Variants in ESRRG observed in about 807,000 individuals in gnomAD.
ESRRG encodes estrogen-related receptor gamma.
In ESRRG, 13 loss-of-function variants were observed where a neutral mutation model predicts 44.0. The ratio of observed to expected loss-of-function variants is 0.30; its 90% CI spans 0.19 to 0.47. The LOEUF (loss-of-function observed/expected upper bound fraction) is 0.47. Ranked by LOEUF, ESRRG falls within the 20% of genes least tolerant of loss-of-function variation. ESRRG has a pLI of 1.00. For synonymous variants in ESRRG, 215 were observed against 214.6 expected (o/e 1.00, Z -0.02); for missense variants, 395 against 580.6 (o/e 0.68, Z 3.29).
chr1:216,972,441 A>T (rs1273105434), intron 1 of ESRRG, among the ~76,000 whole-genome samples: 2 of 152,160 alleles, frequency 1.3e-5, no homozygotes, highest in Admixed American at 1.3e-4. Flanking sequence ...AAATAACACC[A>T]AGTACACAGT....
chr1:216,633,315 C>G (rs1465721298), intron 3 of ESRRG, among the ~76,000 whole-genome samples: 1 of 152,192 alleles, frequency 6.6e-6, no homozygotes, highest in Non-Finnish European at 1.5e-5. Context: ...GACAGATGCT[C>G]TCAGTGGGCT....
At chr1:216,723,592 A>G (rs778591250), upstream of ESRRG, 17 of 413,236 alleles carry the variant, frequency 4.1e-5, no homozygotes, top group Non-Finnish European at 6.1e-5. Context: ...GAGAGGAGCC[A>G]GGCAGGTAGG....
chr1:216,723,274 G>T lies in ESRRG; in HGVS notation c.26C>A (p.Pro9His), dbSNP rs779481832. The T allele has an allele frequency of 8.1e-6, 13 of 1,613,370 alleles. No homozygotes were observed. The highest frequency in any genetic ancestry group is 1.3e-5 in the African/African-American group (1 of 74,692). The change falls in exon 1 of 7, where the codon CCT (proline) becomes CAT (histidine). Residue 9 changes from proline (P) to histidine (H), a missense_variant. Coordinates refer to ENST00000408911, the MANE Select transcript of ESRRG (RefSeq NM_001438.4). ...CTCGTAGTGCAGGGAAAAAGATTCA[G>T]GAAGGCAAAGTTCTACCGAATCCAT... is the stretch of plus-strand genomic sequence containing the variant. Reference protein sequence around the residue: MDSVELCLPESFSLHYEEE... With the variant: MDSVELCLHESFSLHYEEE...
chr1:216,930,550 G>A (rs764697404), intron 2 of ESRRG, among the ~76,000 whole-genome samples: 2 of 152,116 alleles, frequency 1.3e-5, no homozygotes, highest in African/African-American at 2.4e-5. Flanking sequence ...TCTTTGTCAG[G>A]GTGGATGAGA....
At chr1:217,065,944 T>C (rs926629966) in intron 1 of ESRRG, among the ~76,000 whole-genome samples, 7 of 152,180 alleles carry the variant, frequency 4.6e-5, no homozygotes, top group Admixed American at 3.3e-4. Context: ...TCCTTACATT[T>C]TCTATCAGGA....
intron 5 of ESRRG, among the ~76,000 whole-genome samples, chr1:216,522,431 A>G (rs1028529794): frequency 2.3e-5 from 3 of 133,162 alleles, no homozygotes; most frequent in Admixed American, 7.7e-5. Flanking sequence ...TTACAAAATA[A>G]AATAAAAGTC....
chr1:216,527,399 C>T (rs2047991349), intron 5 of ESRRG, among the ~76,000 whole-genome samples: 1 of 152,086 alleles, frequency 6.6e-6, no homozygotes, highest in Admixed American at 6.6e-5. Context: ...AAATATGAAA[C>T]CTATGCCATT....
At chr1:216,832,447 G>T (rs79973388) in intron 2 of ESRRG, among the ~76,000 whole-genome samples, 1 of 152,136 alleles carries the variant, frequency 6.6e-6, no homozygotes, top group African/African-American at 2.4e-5. Flanking sequence ...GTCACCTGCT[G>T]AAATGTCATC....
At chr1:216,780,685 A>T (rs1479159655) in intron 2 of ESRRG, among the ~76,000 whole-genome samples, 1 of 152,014 alleles carries the variant, frequency 6.6e-6, no homozygotes, top group Non-Finnish European at 1.5e-5. Flanking sequence ...AACAAATCAC[A>T]TAGAGGGAGT....
chr1:216,619,541 G>C (rs1038839910), intron 3 of ESRRG, among the ~76,000 whole-genome samples: 1 of 152,012 alleles, frequency 6.6e-6, no homozygotes, highest in African/African-American at 2.4e-5. Context: ...TTCCAGGAAG[G>C]GCAGTATTTT....
At chr1:216,877,049 A>G (rs1295512444) in intron 2 of ESRRG, among the ~76,000 whole-genome samples, 1 of 151,790 alleles carries the variant, frequency 6.6e-6, no homozygotes, top group Non-Finnish European at 1.5e-5. Flanking sequence ...GGTGTAAACA[A>G]CATTACCACA....
At chr1:216,851,521 C>T (rs1436589870) in intron 2 of ESRRG, among the ~76,000 whole-genome samples, 1 of 151,966 alleles carries the variant, frequency 6.6e-6, no homozygotes, top group African/African-American at 2.4e-5. Context: ...TAAAAAGAGG[C>T]CAGAGAGCGC....
chr1:217,107,763 A>G (rs1002779025), intron 1 of ESRRG, among the ~76,000 whole-genome samples: 18 of 152,198 alleles, frequency 1.2e-4, no homozygotes, highest in Admixed American at 1.2e-3. Flanking sequence ...ATTATTTAAG[A>G]TGTTATAAAG....
chr1:217,130,861 A>G (rs191453010), intron 1 of ESRRG, among the ~76,000 whole-genome samples: 19 of 150,632 alleles, frequency 1.3e-4, no homozygotes, highest in African/African-American at 4.7e-4. Context: ...GAACACATAC[A>G]TTTTCTCCCA....
chr1:216,862,438 T>C (rs61815649), intron 2 of ESRRG: 3,684 of 152,204 alleles, frequency 0.024, 65 homozygotes, highest in Middle Eastern at 0.057. Context: ...TTGGCCAGGC[T>C]GGTCTCGAGC....
chr1:216,647,387 C>T (rs1204428577), intron 3 of ESRRG, among the ~76,000 whole-genome samples: 1 of 152,128 alleles, frequency 6.6e-6, no homozygotes, highest in Non-Finnish European at 1.5e-5. Context: ...TGGATTTCAA[C>T]AAATTATCAT....
At chr1:216,775,592 T>TTTTTTTTTTG (rs2093580537) in intron 2 of ESRRG, among the ~76,000 whole-genome samples, 1 of 112,938 alleles carries the variant, frequency 8.9e-6, no homozygotes, top group Admixed American at 1.1e-4. Flanking sequence ...TTTTTTTTTT[T>TTTTTTTTTTG]AGACAGCGTC....
intron 2 of ESRRG, among the ~76,000 whole-genome samples, chr1:216,748,702 A>T (rs1468876688): frequency 6.6e-6 from 1 of 152,210 alleles, no homozygotes; most frequent in African/African-American, 2.4e-5. Context: ...AAAGTGACAG[A>T]ATCTGGAAGG....
At chr1:216,929,719 C>A (rs757530089) in intron 2 of ESRRG, among the ~76,000 whole-genome samples, 22 of 152,142 alleles carry the variant, frequency 1.4e-4, no homozygotes, top group Non-Finnish European at 1.3e-4. Flanking sequence ...AGAGTGCAGA[C>A]CACAGGGGGC....
Sources: allele counts gnomAD v4.1 joint callset (sites outside exome capture counted in the v4.1 genomes callset), GRCh38; gene constraint gnomAD v4.1.1; transcripts MANE v1.5; gene names NCBI Gene and HGNC (gene_info 2026-07-23, HGNC 2026-07-21).